NBEA: variants seen among roughly 807,000 people sequenced by gnomAD.
The protein encoded by NBEA is lysosomal-trafficking regulator 2.
NBEA carries 44 observed loss-of-function variants against 343.4 expected under a neutral mutation model. The ratio of observed to expected loss-of-function variants is 0.13; its 90% confidence interval spans 0.10 to 0.16. NBEA has a LOEUF of 0.16. Ranked by LOEUF, NBEA falls within the 10% of genes least tolerant of loss-of-function variation. NBEA has a pLI of 1.00. For missense variants in NBEA, 2,555 were observed against 3,631.3 expected (o/e 0.70, Z 7.62); for synonymous variants, 1,175 against 1,238.7 (o/e 0.95, Z 1.08).
intron 8 of NBEA, among the ~76,000 whole-genome samples, chr13:35,060,780 C>T (rs1282324563): frequency 6.6e-6 from 1 of 151,354 alleles, no homozygotes; most frequent in Non-Finnish European, 1.5e-5. Context: ...TGTGTTTTGA[C>T]AGAAGAAAAC....
chr13:35,100,772 A>G (rs2065605281), intron 11 of NBEA, among the ~76,000 whole-genome samples: 1 of 151,996 alleles, frequency 6.6e-6, no homozygotes, highest in South Asian at 2.1e-4. Context: ...TAGATTTCGA[A>G]TAAGATTAGA....
At chr13:35,198,524 A>G (rs1593711295) in intron 31 of NBEA, among the ~76,000 whole-genome samples, 3 of 152,272 alleles carry the variant, frequency 2.0e-5, no homozygotes, top group South Asian at 4.1e-4. Flanking sequence ...GCTACTCAAA[A>G]TTTATTATAC....
At chr13:35,170,623 CTTT>C (rs2070388447) in intron 25 of NBEA, among the ~76,000 whole-genome samples, 1 of 151,584 alleles carries the variant, frequency 6.6e-6, no homozygotes, top group Non-Finnish European at 1.5e-5. Flanking sequence ...TGCTATGATT[CTTT>C]TTATTACTAG....
intron 11 of NBEA, among the ~76,000 whole-genome samples, chr13:35,105,920 T>C (rs2065899263): frequency 6.6e-6 from 1 of 152,116 alleles, no homozygotes; most frequent in Admixed American, 6.6e-5. Flanking sequence ...ACATTTCTGA[T>C]AACCTGTTCT....
At chr13:34,990,820 A>T (rs2060725483) in intron 1 of NBEA, among the ~76,000 whole-genome samples, 1 of 152,142 alleles carries the variant, frequency 6.6e-6, no homozygotes, top group South Asian at 2.1e-4. Context: ...GTTTCAGATC[A>T]TCTCTTTGCT....
chr13:35,184,894 C>T (rs184017935), intron 30 of NBEA, among the ~76,000 whole-genome samples: 4 of 152,186 alleles, frequency 2.6e-5, no homozygotes, highest in Admixed American at 6.6e-5. Context: ...TTCCTGTGTA[C>T]GCACTCTGCA....
intron 41 of NBEA, among the ~76,000 whole-genome samples, chr13:35,520,231 T>C (rs531707749): frequency 2.0e-5 from 3 of 152,348 alleles, no homozygotes; most frequent in African/African-American, 7.2e-5. Context: ...TGGGGACTCT[T>C]GCTCTATAAG....
At chr13:35,398,665 T>TTAAAATATTCA (rs1401146571) in intron 38 of NBEA, among the ~76,000 whole-genome samples, 1 of 152,124 alleles carries the variant, frequency 6.6e-6, no homozygotes, top group East Asian at 1.9e-4. Context: ...AATAGTGGGC[T>TTAAAATATTCA]TAAAATATTC....
intron 41 of NBEA, among the ~76,000 whole-genome samples, chr13:35,503,726 A>G (rs952354108): frequency 6.6e-6 from 1 of 152,074 alleles, no homozygotes. Context: ...ATTTTGTACT[A>G]ATATGTAAAA....
In NBEA at chr13:35,159,759, A is replaced by T; in HGVS notation, c.3588A>T (p.Leu1196Phe). 6.8e-6 allele frequency: 11 copies of T among 1,613,280 alleles called. No homozygotes were observed. Among genetic ancestry groups the T allele is most frequent in the Non-Finnish European group, 9.3e-6 (11 of 1,179,602 alleles). Reference protein sequence around the residue: ...LLAHMTGSVDLTCTSSIIEEK... With the variant: ...LLAHMTGSVDFTCTSSIIEEK... Reference sequence around the variant, plus strand: ...CTCACATGACCGGTAGCGTAGACTTAACTTGTACATCCAGTATAATAGAAG... The same window carrying T: ...CTCACATGACCGGTAGCGTAGACTTTACTTGTACATCCAGTATAATAGAAG... Residue 1196 changes from leucine to phenylalanine, a missense_variant, in exon 22 of 59, where the codon TTA becomes TTT. By Grantham distance (22) the Leu-to-Phe change is conservative (BLOSUM62 0). Around this residue, in one of 21 missense-constraint regions of NBEA, gnomAD observed 367 missense variants for 377.5 expected, o/e 0.97. Transcript: ENST00000379939.
At chr13:35,254,025 C>T (rs2032290544) in intron 34 of NBEA, among the ~76,000 whole-genome samples, 1 of 152,090 alleles carries the variant, frequency 6.6e-6, no homozygotes, top group Non-Finnish European at 1.5e-5. Flanking sequence ...TGTTTCTCCT[C>T]CAAACTATAG....
chr13:35,329,202 G>A (rs1308588939), intron 36 of NBEA, among the ~76,000 whole-genome samples: 1 of 151,938 alleles, frequency 6.6e-6, no homozygotes, highest in African/African-American at 2.4e-5. Flanking sequence ...AAGCATTGGT[G>A]AGGATGTGGA....
chr13:35,246,135 T>C (rs541448351), intron 34 of NBEA, among the ~76,000 whole-genome samples: 130 of 152,332 alleles, frequency 8.5e-4, no homozygotes, highest in Non-Finnish European at 1.7e-3. Flanking sequence ...TTTCTGAAGT[T>C]GTGATTGTTT....
intron 1 of NBEA, among the ~76,000 whole-genome samples, chr13:35,025,497 G>T (rs2061987487): frequency 6.6e-6 from 1 of 152,036 alleles, no homozygotes; most frequent in East Asian, 1.9e-4. Context: ...CTTTATTTCT[G>T]GGTTGTCTAA....
At chr13:35,453,509 T>C (rs1202230643) in intron 40 of NBEA, among the ~76,000 whole-genome samples, 2 of 152,222 alleles carry the variant, frequency 1.3e-5, no homozygotes, top group Non-Finnish European at 2.9e-5. Flanking sequence ...TGAAGGTCAT[T>C]GATTCTGTTT....
intron 1 of NBEA, among the ~76,000 whole-genome samples, chr13:34,985,282 G>A (rs117432239): frequency 0.047 from 7,123 of 150,716 alleles, 538 homozygotes; most frequent in South Asian, 0.07. Context: ...CCTTTTCTAC[G>A]TCTGTTGAGA....
chr13:35,421,474 A>G (rs138742954), intron 38 of NBEA, among the ~76,000 whole-genome samples: 50 of 152,174 alleles, frequency 3.3e-4, no homozygotes, highest in African/African-American at 1.2e-3. Context: ...TCCCCCATTT[A>G]TAATATAGTT....
chr13:35,301,751 G>A (rs2036563631), intron 35 of NBEA, among the ~76,000 whole-genome samples: 1 of 152,010 alleles, frequency 6.6e-6, no homozygotes, highest in East Asian at 1.9e-4. Flanking sequence ...CTAGATCCTT[G>A]AATCGCCACA....
intron 39 of NBEA, among the ~76,000 whole-genome samples, chr13:35,449,759 A>G (rs912481515): frequency 9.8e-5 from 15 of 152,308 alleles, no homozygotes; most frequent in South Asian, 4.1e-4. Context: ...ATAATTATCT[A>G]TGGGCCAGTG....
Sources: gnomAD v4.1 joint callset for allele counts (sites outside exome capture counted in the v4.1 genomes callset) on GRCh38, gnomAD v4.1.1 for gene constraint, gnomAD v4.1.1 regional missense constraint, MANE v1.5 for transcripts, NCBI Gene and HGNC (gene_info 2026-07-23, HGNC 2026-07-21) for gene names.